The following RBFOX1 variants were observed in gnomAD, a reference collection of about 807,000 sequenced individuals.
RBFOX1 encodes the protein RNA binding protein fox-1 homolog 1.
A neutral mutation model predicts 57.7 loss-of-function variants in RBFOX1; 8 were observed. That is an observed-to-expected ratio of 0.14 (90% CI 0.08 to 0.25). The LOEUF is 0.25. Ranked by LOEUF, RBFOX1 falls within the 10% of genes least tolerant of loss-of-function variation. The pLI is 1.00. For missense variants in RBFOX1, 611 were observed against 548.5 expected, an observed-to-expected ratio of 1.11 and a Z score of -1.14; for synonymous variants, 326 against 222.4, an observed-to-expected ratio of 1.47 and a Z score of -4.15.
chr16:6,366,449 G>C (rs75467753), intron 2 of RBFOX1, among the ~76,000 whole-genome samples: 3,184 of 152,152 alleles, frequency 0.021, 58 homozygotes, highest in Middle Eastern at 0.058. Flanking sequence ...AGAGATATGA[G>C]ACAATGTTGA....
At chr16:6,901,977 G>GAC (rs2068611574) in intron 3 of RBFOX1, among the ~76,000 whole-genome samples, 1 of 152,052 alleles carries the variant, frequency 6.6e-6, no homozygotes, top group Non-Finnish European at 1.5e-5. Flanking sequence ...TTGCGTTACA[G>GAC]ACATCTGTTT....
chr16:7,607,164 C>G, intron 9 of RBFOX1, 121 bp from the exon 10 acceptor site: 2 of 840,700 alleles, frequency 2.4e-6, no homozygotes, highest in South Asian at 2.1e-5. Context: ...CAAACGACAC[C>G]TCCTTTACAT....
At chr16:6,225,145 G>T (rs2097406805) in intron 1 of RBFOX1, among the ~76,000 whole-genome samples, 1 of 151,974 alleles carries the variant, frequency 6.6e-6, no homozygotes, top group Admixed American at 6.6e-5. Context: ...CAGTGGAAGA[G>T]TTTGAAGGTG....
intron 3 of RBFOX1, among the ~76,000 whole-genome samples, chr16:6,916,452 C>A (rs531950755): frequency 6.6e-6 from 1 of 151,924 alleles, no homozygotes; most frequent in African/African-American, 2.4e-5. Flanking sequence ...TGGTCTAATA[C>A]ACCTTTGGTT....
intron 5 of RBFOX1, among the ~76,000 whole-genome samples, chr16:7,541,542 C>T (rs573974598): frequency 1.3e-5 from 2 of 152,200 alleles, no homozygotes; most frequent in South Asian, 2.1e-4. Context: ...AATATATGTC[C>T]GTTTGCATTG....
intron 4 of RBFOX1, among the ~76,000 whole-genome samples, chr16:7,460,576 G>A (rs975956793): frequency 1.3e-5 from 2 of 149,642 alleles, no homozygotes; most frequent in African/African-American, 2.5e-5. Context: ...AGGGTGGAAG[G>A]TAGGAGGATG....
chr16:5,474,837 C>T lies in RBFOX1; in HGVS notation c.258+7583C>T, dbSNP rs78249152. On this transcript the variant is annotated intron_variant, in intron 2 of 2. Transcript: ENST00000585867. ...TTCTTGGTACTGGCCAAATATTGTCCCGTACATATTCTGAGCCCATGCTAT... is the reference window on the plus strand; with the variant it reads ...TTCTTGGTACTGGCCAAATATTGTCTCGTACATATTCTGAGCCCATGCTAT... 1.5e-3 allele frequency among the ~76,000 whole-genome samples: 226 copies of T among 152,248 alleles called. 4 individuals are homozygous for T. The East Asian group carries it at 0.039, about 26-fold the overall frequency.
chr16:7,361,532 G>T (rs371207494), intron 4 of RBFOX1, among the ~76,000 whole-genome samples: 2 of 152,180 alleles, frequency 1.3e-5, no homozygotes, highest in East Asian at 3.9e-4. Context: ...GACCAGGTGA[G>T]TCCGAAGGTG....
At chr16:7,555,688 G>C (rs577645346) in intron 5 of RBFOX1, among the ~76,000 whole-genome samples, 1 of 152,074 alleles carries the variant, frequency 6.6e-6, no homozygotes, top group African/African-American at 2.4e-5. Flanking sequence ...CTCACCGCAG[G>C]ACCTTTGCAC....
intron 4 of RBFOX1, among the ~76,000 whole-genome samples, chr16:7,087,650 C>T (rs2060196217): frequency 6.6e-6 from 1 of 152,046 alleles, no homozygotes; most frequent in African/African-American, 2.4e-5. Flanking sequence ...TACAGTGCCA[C>T]TGAAGGAATG....
chr16:5,486,918 C>T (rs1008811029), intron 2 of RBFOX1, among the ~76,000 whole-genome samples: 3 of 152,160 alleles, frequency 2.0e-5, no homozygotes, highest in Admixed American at 6.5e-5. Flanking sequence ...TCAGCAGCCT[C>T]TCTCAGACCT....
chr16:7,152,963 C>G (rs951868439), intron 4 of RBFOX1, among the ~76,000 whole-genome samples: 1 of 152,160 alleles, frequency 6.6e-6, no homozygotes, highest in Non-Finnish European at 1.5e-5. Flanking sequence ...GTGGCCATTG[C>G]TGGTGCATAA....
intron 2 of RBFOX1, among the ~76,000 whole-genome samples, chr16:5,539,691 G>C (rs1360159422): frequency 6.6e-6 from 1 of 152,152 alleles, no homozygotes; most frequent in African/African-American, 2.4e-5. Context: ...GTGAGAGATT[G>C]TAAGAATTTT....
At position 5,284,915 on chromosome 16, in the gene RBFOX1, C is replaced by T. The variant is rs1274985829; in HGVS notation, c.219+44810C>T. On this transcript the variant is annotated intron_variant, in intron 1 of 2. Transcript: ENST00000585867. The stretch of plus-strand genomic sequence containing the variant: ...TTAGAATTTTCTCTTTGTCTTTTGA[C>T]AGTTTTATCATAATGTGCCTTGGAG... 2.6e-5 allele frequency among the ~76,000 whole-genome samples: 4 copies of T among 151,754 alleles called. No individual in the cohort carries two copies. The East Asian group carries it at 7.7e-4, about 29-fold the overall frequency.
chr16:5,409,501 TC>T (rs1243258994), intron 1 of RBFOX1, among the ~76,000 whole-genome samples: 1 of 152,264 alleles, frequency 6.6e-6, no homozygotes, highest in Non-Finnish European at 1.5e-5. Flanking sequence ...ATTCTTATAC[TC>T]CTTTAAAAGC....
At chr16:5,996,600 C>T (rs1001990360) in intron 4 of RBFOX1, among the ~76,000 whole-genome samples, 1 of 152,018 alleles carries the variant, frequency 6.6e-6, no homozygotes, top group Non-Finnish European at 1.5e-5. Flanking sequence ...GGGGAAATCA[C>T]AAGGGCTAAT....
intron 4 of RBFOX1, among the ~76,000 whole-genome samples, chr16:7,380,800 C>T (rs1387165583): frequency 6.6e-6 from 1 of 152,134 alleles, no homozygotes; most frequent in African/African-American, 2.4e-5. Context: ...ACTTAAAATC[C>T]CTAATGAGAA....
At chr16:7,351,905 C>T (rs1306233985) in intron 4 of RBFOX1, among the ~76,000 whole-genome samples, 1 of 152,164 alleles carries the variant, frequency 6.6e-6, no homozygotes, top group African/African-American at 2.4e-5. Context: ...CAAGGAGTTT[C>T]CAACCCCAAC....
chr16:6,938,237 T>C (rs769362263), intron 3 of RBFOX1, among the ~76,000 whole-genome samples: 8 of 152,182 alleles, frequency 5.3e-5, no homozygotes, highest in East Asian at 3.9e-4. Flanking sequence ...GTCCTATAAA[T>C]ATCAGGTAGG....
Sources: allele counts gnomAD v4.1 joint callset (sites outside exome capture counted in the v4.1 genomes callset), GRCh38; gene constraint gnomAD v4.1.1; transcripts MANE v1.5; gene names NCBI Gene and HGNC (gene_info 2026-07-23, HGNC 2026-07-21).